Variants in SDK2 observed in about 807,000 individuals in gnomAD.
The protein encoded by SDK2 is sidekick cell adhesion molecule 2.
In SDK2, 105 loss-of-function variants were observed where a neutral mutation model predicts 253.9. The ratio of observed to expected loss-of-function variants is 0.41; its 90% confidence interval spans 0.35 to 0.49. The LOEUF (loss-of-function observed/expected upper bound fraction) is 0.49, where lower values mean the gene tolerates loss of function less well. SDK2 is among the 20% of genes least tolerant of loss of function. The pLI, the probability that SDK2 is intolerant of heterozygous loss-of-function variation, is 0.06. For missense variants in SDK2, 2,608 were observed against 3,003.0 expected (o/e 0.87, Z 3.07); for synonymous variants, 1,249 against 1,234.9 (o/e 1.01, Z -0.24).
At chr17:73,498,069 C>G (rs1466047680) in intron 2 of SDK2, among the ~76,000 whole-genome samples, 1 of 152,182 alleles carries the variant, frequency 6.6e-6, no homozygotes, top group Non-Finnish European at 1.5e-5. Flanking sequence ...AAACTGGATC[C>G]ACCCACACTT....
Position 73,496,794 on chromosome 17 carries a change from C to T in SDK2, c.224+10644G>A, listed in dbSNP as rs1383097462. 1.3e-5 allele frequency among the ~76,000 whole-genome samples: 2 copies of T among 152,194 alleles called. No homozygotes were observed. Among genetic ancestry groups the T allele is most frequent in the African/African-American group, 2.4e-5 (1 of 41,440 alleles). ...AGGATTCCCCCTCCACTCCCTGCCC[C>T]GACTTGCTCATCCCTCTCTAACTCC... On this transcript the variant is annotated intron_variant, in intron 2 of 44. Transcript: ENST00000392650. The surrounding 1 kb of genome is among the most constrained non-coding windows in gnomAD (Gnocchi z 4.7).
intron 1 of SDK2, among the ~76,000 whole-genome samples, chr17:73,508,424 AGT>A (rs780004286): frequency 6.6e-6 from 1 of 152,124 alleles, no homozygotes; most frequent in Non-Finnish European, 1.5e-5. Flanking sequence ...GGTGGACATG[AGT>A]GTACACAAGG....
intron 1 of SDK2, among the ~76,000 whole-genome samples, chr17:73,563,565 T>C (rs1179026577): frequency 6.6e-6 from 1 of 152,226 alleles, no homozygotes; most frequent in African/African-American, 2.4e-5. Context: ...GAAGACAGAA[T>C]GAGACTCTGT....
intron 36 of SDK2, among the ~76,000 whole-genome samples, chr17:73,369,748 G>A (rs1023747380): frequency 2.0e-5 from 3 of 152,142 alleles, no homozygotes; most frequent in Non-Finnish European, 2.9e-5. Context: ...ACGGGTTCAC[G>A]CCATTCTCCT....
intron 40 of SDK2, among the ~76,000 whole-genome samples, chr17:73,353,454 CTT>C (rs2062556889): frequency 2.0e-5 from 3 of 152,276 alleles, no homozygotes; most frequent in Admixed American, 2.0e-4. Context: ...GAGTTTCGCT[CTT>C]GTTGCCCAGG....
chr17:73,353,410 A>G (rs1315380836), intron 40 of SDK2, among the ~76,000 whole-genome samples: 3 of 152,256 alleles, frequency 2.0e-5, no homozygotes, highest in Admixed American at 6.5e-5. Flanking sequence ...CAAAAATAAG[A>G]GCGCTATTTT....
intron 36 of SDK2, among the ~76,000 whole-genome samples, chr17:73,371,868 G>A (rs559406650): frequency 5.2e-4 from 79 of 152,168 alleles, no homozygotes; most frequent in African/African-American, 1.6e-3. Flanking sequence ...GCTGAGGCAG[G>A]AGAATCACTT....
At chr17:73,469,016 G>C (rs927972439) in intron 3 of SDK2, among the ~76,000 whole-genome samples, 1 of 151,986 alleles carries the variant, frequency 6.6e-6, no homozygotes, top group Non-Finnish European at 1.5e-5. Context: ...GTAGAGATGG[G>C]GTTTCACCAT....
chr17:73,429,184 A>G (rs2063306896), intron 12 of SDK2, among the ~76,000 whole-genome samples: 1 of 152,196 alleles, frequency 6.6e-6, no homozygotes, highest in Admixed American at 6.5e-5. Flanking sequence ...CTAAAAGTAT[A>G]GCTACTACAC....
chr17:73,358,761 A>G (rs928151067), intron 39 of SDK2, among the ~76,000 whole-genome samples: 1 of 151,998 alleles, frequency 6.6e-6, no homozygotes, highest in Non-Finnish European at 1.5e-5. Context: ...CCCCAACCCC[A>G]ACTGCATTTC....
intron 1 of SDK2, among the ~76,000 whole-genome samples, chr17:73,522,814 G>T (rs1321295333): frequency 6.6e-6 from 1 of 152,188 alleles, no homozygotes; most frequent in African/African-American, 2.4e-5. Context: ...GAGCAGACTG[G>T]GCTCACCCTG....
chr17:73,560,521 G>A (rs1461713275), intron 1 of SDK2, among the ~76,000 whole-genome samples: 1 of 150,800 alleles, frequency 6.6e-6, no homozygotes, highest in Non-Finnish European at 1.5e-5. Context: ...TGTATTTTTA[G>A]TAGAGACGGT....
At chr17:73,342,463 G>A (rs758750733) in intron 44 of SDK2, among the ~76,000 whole-genome samples, 16 of 152,324 alleles carry the variant, frequency 1.1e-4, no homozygotes, top group Admixed American at 2.6e-4. Context: ...CTGGAGCAGC[G>A]GGGATCTGTG....
rs142536043 is a variant in SDK2, at chr17:73,398,636, G to A, written c.3094-207C>T. 3.3e-3 allele frequency among the ~76,000 whole-genome samples: 509 copies of A among 152,322 alleles called. 2 individuals are homozygous for A. Among genetic ancestry groups the A allele is most frequent in the African/African-American group, 0.012 (496 of 41,568 alleles). ...CTCCTGCCTTAGAATCTCTCAGGAT[G>A]CTTGTGATCAATATATTCCTGGATT... On this transcript the variant is annotated intron_variant, in intron 22 of 44. Coordinates refer to ENST00000392650, the MANE Select transcript of SDK2 (RefSeq NM_001144952.2).
intron 1 of SDK2, among the ~76,000 whole-genome samples, chr17:73,550,787 T>G (rs2045043003): frequency 6.6e-6 from 1 of 151,974 alleles, no homozygotes; most frequent in African/African-American, 2.4e-5. Flanking sequence ...CAGAGATCGG[T>G]GACACAAGAG....
intron 12 of SDK2, 43 bp from the exon 13 acceptor site, chr17:73,424,135 T>C (rs1426046825): frequency 1.3e-6 from 2 of 1,554,322 alleles, no homozygotes; most frequent in South Asian, 2.3e-5. Context: ...GAGAGGAAGG[T>C]ACCTTGGGAG....
At chr17:73,348,177 C>T (rs951367550) in intron 44 of SDK2, among the ~76,000 whole-genome samples, 1 of 152,214 alleles carries the variant, frequency 6.6e-6, no homozygotes, top group African/African-American at 2.4e-5. Context: ...GTTTCTGAAG[C>T]TGTTTTGATG....
At chr17:73,549,882 C>A (rs374341906) in intron 1 of SDK2, among the ~76,000 whole-genome samples, 1 of 152,100 alleles carries the variant, frequency 6.6e-6, no homozygotes, top group Admixed American at 6.5e-5. Flanking sequence ...CTGGCTGCAA[C>A]GTAGTGGGGA....
At chr17:73,631,034 G>A (rs2143256201) in intron 1 of SDK2, among the ~76,000 whole-genome samples, 1 of 152,256 alleles carries the variant, frequency 6.6e-6, no homozygotes, top group East Asian at 1.9e-4. Context: ...ATGGGCAGTG[G>A]ACAGAGCTCT....
Sources: gnomAD v4.1 joint callset for allele counts (sites outside exome capture counted in the v4.1 genomes callset) on GRCh38, gnomAD v4.1.1 for gene constraint, Gnocchi (gnomAD v3.1) non-coding constraint, MANE v1.5 for transcripts, NCBI Gene and HGNC (gene_info 2026-07-23, HGNC 2026-07-21) for gene names.